Variants in CACNG5 observed in about 807,000 individuals in gnomAD.
CACNG5 encodes the protein voltage-dependent calcium channel gamma-5 subunit.
Under a neutral mutation model 24.8 loss-of-function variants are expected in CACNG5, and 18 were observed. The observed-to-expected ratio is 0.73, with a 90% CI of 0.50 to 1.08. The LOEUF is 1.08. Among genes scored for constraint, CACNG5 ranks in the 50% least tolerant of loss-of-function variants. CACNG5 has a pLI of 0.00. For synonymous variants in CACNG5, 157 were observed against 149.1 expected, an observed-to-expected ratio of 1.05 and a Z score of -0.39; for missense variants, 349 against 367.9, an observed-to-expected ratio of 0.95 and a Z score of 0.42.
Position 66,868,778 on chromosome 17 carries a change from G to A in CACNG5, c.-103-8452G>A, listed in dbSNP as rs1010656280. On this transcript the variant is annotated intron_variant, in intron 1 of 5. Transcript: ENST00000533854. The stretch of plus-strand genomic sequence containing the variant: ...ATATTTATTCTTTGTCTACTGAGAC[G>A]CCACTGTGCCCACCATGAAGACACC... Among the ~76,000 whole-genome samples, 14 of 152,190 alleles carry A rather than the reference G, an allele frequency of 9.2e-5. No homozygotes were observed. The East Asian group carries it at 1.3e-3, about 15-fold the overall frequency.
At chr17:66,859,690 A>G (rs1481305421) in intron 1 of CACNG5, among the ~76,000 whole-genome samples, 1 of 151,976 alleles carries the variant, frequency 6.6e-6, no homozygotes, top group African/African-American at 2.4e-5. Flanking sequence ...CCTTCACCCC[A>G]AAAGGAAGAA....
At chr17:66,882,550 C>G (rs1977174980) in intron 4 of CACNG5, among the ~76,000 whole-genome samples, 1 of 152,104 alleles carries the variant, frequency 6.6e-6, no homozygotes, top group African/African-American at 2.4e-5. Flanking sequence ...TAAAGGTGGG[C>G]TCTTTCTCCT....
rs980197519 is a variant in CACNG5, at chr17:66,893,296, G to A, written c.*8056G>A. Among the ~76,000 whole-genome samples the A allele has an allele frequency of 6.6e-6, 1 of 152,250 alleles. No homozygotes were observed. Among genetic ancestry groups the A allele is most frequent in the Admixed American group, 6.5e-5 (1 of 15,268 alleles). On this transcript the variant is annotated 3_prime_UTR_variant, in exon 6 of 6. Transcript: ENST00000533854. ...TCCAAAGATAAATGGGGGAAGGAAA[G>A]GTCTAAATGCAAACAACGGTGATGT...
intron 1 of CACNG5, among the ~76,000 whole-genome samples, chr17:66,852,975 C>G (rs1598048599): frequency 2.0e-5 from 3 of 151,198 alleles, no homozygotes; most frequent in African/African-American, 7.3e-5. Context: ...TCCTCCTTCT[C>G]TCTTCTCCTT....
At chr17:66,837,476 T>A (rs1484585330) in intron 1 of CACNG5, among the ~76,000 whole-genome samples, 3 of 152,222 alleles carry the variant, frequency 2.0e-5, no homozygotes, top group Admixed American at 6.5e-5. Flanking sequence ...GGCACATGCC[T>A]GCTCTGTCAT....
chr17:66,865,674 G>C (rs1976918657), intron 1 of CACNG5, among the ~76,000 whole-genome samples: 1 of 150,464 alleles, frequency 6.6e-6, no homozygotes, highest in African/African-American at 2.5e-5. Flanking sequence ...CTGTCACCCA[G>C]GCTGCAGTGT....
chr17:66,865,796 AT>A (rs35187215), intron 1 of CACNG5, among the ~76,000 whole-genome samples: 8,838 of 129,792 alleles, frequency 0.068, 249 homozygotes, highest in East Asian at 0.14. Flanking sequence ...TGCACGGCTA[AT>A]TTTTTTTTTT....
At chr17:66,861,377 C>A (rs563464580) in intron 1 of CACNG5, among the ~76,000 whole-genome samples, 1 of 152,316 alleles carries the variant, frequency 6.6e-6, no homozygotes, top group South Asian at 2.1e-4. Flanking sequence ...TGTGTTACCT[C>A]GTAACCCTTT....
intron 1 of CACNG5, among the ~76,000 whole-genome samples, chr17:66,873,594 A>G (rs1390794016): frequency 6.6e-6 from 1 of 152,204 alleles, no homozygotes; most frequent in Non-Finnish European, 1.5e-5. Context: ...GCTCTGATCC[A>G]TTCTCTCTGC....
chr17:66,857,610 C>T (rs1304985327), intron 1 of CACNG5, among the ~76,000 whole-genome samples: 10 of 152,040 alleles, frequency 6.6e-5, no homozygotes, highest in Admixed American at 1.3e-4. Context: ...TCATACTTAC[C>T]GCATGTCTCA....
intron 1 of CACNG5, among the ~76,000 whole-genome samples, chr17:66,855,838 T>A (rs760984980): frequency 5.9e-5 from 9 of 152,196 alleles, no homozygotes; most frequent in Admixed American, 1.3e-4. Context: ...GAAACTGAAG[T>A]AGAAAGGATA....
intron 1 of CACNG5, among the ~76,000 whole-genome samples, chr17:66,847,835 C>G (rs1488228570): frequency 6.6e-6 from 1 of 152,192 alleles, no homozygotes; most frequent in East Asian, 1.9e-4. Context: ...GGGCCAACCT[C>G]ACCTTGCTCT....
chr17:66,875,487 C>A (rs750960545), intron 1 of CACNG5, among the ~76,000 whole-genome samples: 1 of 152,180 alleles, frequency 6.6e-6, no homozygotes, highest in African/African-American at 2.4e-5. Flanking sequence ...GCAGGGCCGG[C>A]GCTGTGGAAT....
intron 1 of CACNG5, among the ~76,000 whole-genome samples, chr17:66,870,476 T>A (rs947413261): frequency 1.3e-5 from 2 of 152,190 alleles, no homozygotes; most frequent in Non-Finnish European, 2.9e-5. Flanking sequence ...AGGCTAAGGA[T>A]GCTATAAAAC....
At chr17:66,858,339 C>T (rs1976808480) in intron 1 of CACNG5, among the ~76,000 whole-genome samples, 1 of 152,170 alleles carries the variant, frequency 6.6e-6, no homozygotes, top group African/African-American at 2.4e-5. Context: ...CATTTGATGA[C>T]AGCCCAGGGC....
rs779336364 is a variant in CACNG5, at chr17:66,887,544, G to T, written c.*2304G>T. Among the ~76,000 whole-genome samples the T allele has an allele frequency of 6.6e-6, 1 of 152,210 alleles. No homozygotes were observed. Among genetic ancestry groups the T allele is most frequent in the African/African-American group, 2.4e-5 (1 of 41,444 alleles). ...GTTTTTGTGCTTGGAGACAGATAGCGTTTCCAAACTGGACAATCATTTAGG... is the reference window on the plus strand; with the variant it reads ...GTTTTTGTGCTTGGAGACAGATAGCTTTTCCAAACTGGACAATCATTTAGG... On this transcript the variant is annotated 3_prime_UTR_variant, in exon 6 of 6. Transcript: ENST00000533854.
chr17:66,878,198 A>G (rs1251195635), intron 2 of CACNG5, among the ~76,000 whole-genome samples: 1 of 152,194 alleles, frequency 6.6e-6, no homozygotes, highest in Non-Finnish European at 1.5e-5. Flanking sequence ...TCCCTTTATC[A>G]TGACCCAAGA....
rs867161613 is a variant in CACNG5, at chr17:66,894,098, G to A, written c.*8858G>A. 3.3e-5 allele frequency among the ~76,000 whole-genome samples: 5 copies of A among 152,182 alleles called. No homozygotes were observed. The highest frequency in any genetic ancestry group is 2.1e-4 in the South Asian group (1 of 4,814). On this transcript the variant is annotated 3_prime_UTR_variant, in exon 6 of 6. Coordinates refer to ENST00000533854, the MANE Select transcript of CACNG5 (RefSeq NM_145811.3). ...CCTGTGTCCTCGTAAACACCATCCCGCCACCCCTCTCAGGCCCTGCCAAGG... is the reference window on the plus strand; with the variant it reads ...CCTGTGTCCTCGTAAACACCATCCCACCACCCCTCTCAGGCCCTGCCAAGG...
chr17:66,873,049 G>T (rs539972565), intron 1 of CACNG5, among the ~76,000 whole-genome samples: 1 of 152,196 alleles, frequency 6.6e-6, no homozygotes, highest in East Asian at 1.9e-4. Context: ...CCAGCCTACG[G>T]CTCACCTGTG....
Sources: allele counts gnomAD v4.1 joint callset (sites outside exome capture counted in the v4.1 genomes callset), GRCh38; gene constraint gnomAD v4.1.1; transcripts MANE v1.5; gene names NCBI Gene and HGNC (gene_info 2026-07-23, HGNC 2026-07-21).